The following CEP43 variants were observed in gnomAD, a reference collection of about 807,000 sequenced individuals.
CEP43 encodes the protein FGFR1 oncogene partner.
CEP43 carries 36 observed loss-of-function variants against 52.6 expected under a neutral mutation model. The observed-to-expected ratio is 0.68, with a 90% CI of 0.52 to 0.90. CEP43 has a LOEUF of 0.90. CEP43 is among the 40% of genes least tolerant of loss of function. The pLI is 0.00. For missense variants in CEP43, 506 were observed against 472.8 expected, an observed-to-expected ratio of 1.07 and a Z score of -0.65; for synonymous variants, 192 against 172.4, an observed-to-expected ratio of 1.11 and a Z score of -0.89.
At chr6:167,028,759 G>C (rs1248289458) in intron 10 of CEP43, among the ~76,000 whole-genome samples, 1 of 152,104 alleles carries the variant, frequency 6.6e-6, no homozygotes, top group Non-Finnish European at 1.5e-5. Context: ...TTAGAGTCCT[G>C]ATGCATCACA....
intron 10 of CEP43, among the ~76,000 whole-genome samples, chr6:167,027,424 C>G (rs575940404): frequency 6.6e-6 from 1 of 152,062 alleles, no homozygotes; most frequent in Non-Finnish European, 1.5e-5. Flanking sequence ...TGGCCACTTC[C>G]TATGCTCTCT....
chr6:167,003,875 C>T (rs1779793996), intron 4 of CEP43, 64 bp downstream of exon 4: 5 of 959,540 alleles, frequency 5.2e-6, no homozygotes, highest in Non-Finnish European at 8.0e-6. Context: ...TAATATTAAG[C>T]TGAAAGTTAA....
chr6:166,999,417 C>T lies in CEP43; in HGVS notation c.5C>T (p.Ala2Val). 4 of 1,472,138 alleles carry T rather than the reference C, an allele frequency of 2.7e-6. No individual in the cohort carries two copies. Among genetic ancestry groups the T allele is most frequent in the South Asian group, 1.3e-5 (1 of 75,144 alleles). The allele number at this position is 1,472,138 out of a possible 1,614,324, so 91.2% of individuals were successfully genotyped here. A position where few individuals can be genotyped will look rare whatever the true frequency, so the allele number is the denominator to read the frequency against. The stretch of plus-strand genomic sequence containing the variant: ...CGGTTGTCTTGGAGAAGCAAGATGG[C>T]GGCGACGGCGGCCGCAGTGGTGGCC... M[A>V]ATAAAVVAEE... is the part of the protein sequence containing the mutation. Residue 2 changes from alanine (A) to valine (V), a missense_variant, in exon 1 of 13, where the codon GCG (alanine) becomes GTG (valine). Physicochemically the swap from Ala to Val is moderately conservative, Grantham distance 64. Coordinates refer to ENST00000366847, the MANE Select transcript of CEP43 (RefSeq NM_007045.4).
intron 6 of CEP43, among the ~76,000 whole-genome samples, chr6:167,012,086 C>T (rs1007479337): frequency 6.6e-6 from 1 of 152,186 alleles, no homozygotes; most frequent in Non-Finnish European, 1.5e-5. Context: ...GGTGGATCGA[C>T]TCTCAGATAC....
At chr6:167,015,113 C>T (rs1431175711) in intron 7 of CEP43, among the ~76,000 whole-genome samples, 2 of 152,156 alleles carry the variant, frequency 1.3e-5, no homozygotes, top group Admixed American at 1.3e-4. Context: ...GTACTTTGGG[C>T]AGAGTGTAGT....
chr6:167,016,586 A>G (rs962857640), intron 7 of CEP43, among the ~76,000 whole-genome samples: 1 of 152,190 alleles, frequency 6.6e-6, no homozygotes, highest in Non-Finnish European at 1.5e-5. Context: ...TTTAAAACTA[A>G]CATGTATTGA....
At chr6:167,000,205 A>G (rs1056892791) in intron 2 of CEP43, 92 bp downstream of exon 2, 2 of 961,940 alleles carry the variant, frequency 2.1e-6, no homozygotes, top group African/African-American at 1.7e-5. Flanking sequence ...TTATAGTAAC[A>G]TATAGCTAGG....
rs199893388 is a variant in CEP43, at chr6:167,050,774, C to CGAA, written c.*10796_*10797insGAA. On this transcript the variant is annotated 3_prime_UTR_variant, in exon 13 of 13. Transcript: ENST00000366847. ...CCAGTCTGGGTGACAGAGTGAGACT[C>CGAA]AAAAAAGAAAAAAAAAAAAAAAAAA... 2.4e-5 allele frequency: 1 copy of CGAA among 41,166 alleles called. No homozygotes were observed. The highest frequency in any genetic ancestry group is 1.1e-4 in the African/African-American group (1 of 9,074). The allele number at this position is 41,166 out of a possible 1,614,324, so 2.6% of individuals were successfully genotyped here.
At chr6:167,006,098 G>A (rs986450612) in intron 5 of CEP43, among the ~76,000 whole-genome samples, 3 of 152,218 alleles carry the variant, frequency 2.0e-5, no homozygotes, top group Non-Finnish European at 4.4e-5. Flanking sequence ...GAAGTATCGC[G>A]CCTACAGGTC....
At chr6:167,018,863 A>G (rs1780160462) in intron 7 of CEP43, among the ~76,000 whole-genome samples, 1 of 152,188 alleles carries the variant, frequency 6.6e-6, no homozygotes, top group Non-Finnish European at 1.5e-5. Flanking sequence ...TTTAAAGCAG[A>G]TTCCCGGGTA....
At position 167,003,190 on chromosome 6, in the gene CEP43, CAG is replaced by C. The variant is rs1190247638; in HGVS notation, c.157-1_157del. The C allele has an allele frequency of 7.5e-7, 1 of 1,326,788 alleles. No individual in the cohort carries two copies. Among genetic ancestry groups the C allele is most frequent in the Non-Finnish European group, 1.0e-6 (1 of 966,394 alleles). 82.2% of individuals were successfully genotyped at this position (1,326,788 alleles called of 1,614,324 possible). A position where few individuals can be genotyped will look rare whatever the true frequency, so the allele number is the denominator to read the frequency against. Reference sequence around the variant, plus strand: ...GACACTTAAATTTTTTTTTTTTTAACAGAACAAAACTCCTTTAGTTAATGAGA... The same window carrying C: ...GACACTTAAATTTTTTTTTTTTTAACAACAAAACTCCTTTAGTTAATGAGA... On this transcript the variant is annotated splice_acceptor_variant, in intron 2 of 12. Transcript: ENST00000366847. LOFTEE classifies it high-confidence loss of function.
At chr6:167,036,313 C>T in intron 12 of CEP43, 6 of 985,370 alleles carry the variant, frequency 6.1e-6, no homozygotes, top group Non-Finnish European at 7.2e-6. Context: ...TGCCCTGATT[C>T]CAGAGCTTCA....
chr6:167,034,085 A>G (rs1780531815), intron 12 of CEP43, 114 bp downstream of exon 12: 1 of 463,218 alleles, frequency 2.2e-6, no homozygotes, highest in Non-Finnish European at 3.8e-6. Context: ...AAAATTATGA[A>G]AAGTCATGAC....
Position 167,041,273 on chromosome 6 carries a change from G to C in CEP43, c.*1295G>C. 2 of 1,049,802 alleles carry C rather than the reference G, an allele frequency of 1.9e-6. No homozygotes were observed. The highest frequency in any genetic ancestry group is 2.3e-6 in the Non-Finnish European group (2 of 869,592). 65.0% of individuals were successfully genotyped at this position (1,049,802 alleles called of 1,614,324 possible). On this transcript the variant is annotated 3_prime_UTR_variant, in exon 13 of 13. Transcript: ENST00000366847. ...ACTCCTTGGGCTCTAAAATGTAGAG[G>C]AAATGAAAATGTAAGGATTAAGGCT...
At chr6:167,006,029 G>A (rs535139894) in intron 5 of CEP43, among the ~76,000 whole-genome samples, 9 of 152,296 alleles carry the variant, frequency 5.9e-5, no homozygotes, top group Admixed American at 1.3e-4. Flanking sequence ...AGCTCTGTGA[G>A]CCTGCAGTCA....
chr6:167,026,772 C>T (rs569815291), intron 10 of CEP43, among the ~76,000 whole-genome samples, 157 bp downstream of exon 10: 7 of 152,314 alleles, frequency 4.6e-5, no homozygotes, highest in South Asian at 2.1e-4. Context: ...CAGGATTACA[C>T]GCTATGCGAG....
chr6:167,033,066 A>T (rs896382904), intron 11 of CEP43, among the ~76,000 whole-genome samples: 1 of 136,092 alleles, frequency 7.3e-6, no homozygotes, highest in Non-Finnish European at 1.6e-5. Context: ...TAATATGTGG[A>T]TATGTGGTCT....
Position 167,040,766 on chromosome 6 carries a change from A to G in CEP43, c.*788A>G. The G allele has an allele frequency of 2.5e-6, 2 of 805,842 alleles. No homozygotes were observed. Among genetic ancestry groups the G allele is most frequent in the African/African-American group, 1.9e-5 (1 of 53,156 alleles). The allele number at this position is 805,842 out of a possible 1,614,324, so 49.9% of individuals were successfully genotyped here. A position where few individuals can be genotyped will look rare whatever the true frequency, so the allele number is the denominator to read the frequency against. The stretch of plus-strand genomic sequence containing the variant: ...TTGAAACTTAAATGCATCTGAAACC[A>G]TTAAGCAGTGCTTTTATTTCAGATC... On this transcript the variant is annotated 3_prime_UTR_variant, in exon 13 of 13. Transcript: ENST00000366847.
At chr6:167,012,602 CT>C (rs1401850298) in intron 6 of CEP43, among the ~76,000 whole-genome samples, 3 of 152,136 alleles carry the variant, frequency 2.0e-5, no homozygotes. Flanking sequence ...CAAATTATTA[CT>C]GTTTTTAAAG....
Sources: allele counts gnomAD v4.1 joint callset (sites outside exome capture counted in the v4.1 genomes callset), GRCh38; gene constraint gnomAD v4.1.1; transcripts MANE v1.5; gene names NCBI Gene and HGNC (gene_info 2026-07-23, HGNC 2026-07-21).